Variants in N4BP2 observed in about 807,000 individuals in gnomAD.
N4BP2 encodes the protein NEDD4-binding protein 2.
In N4BP2, 91 loss-of-function variants were observed where a neutral mutation model predicts 152.8. The observed-to-expected ratio is 0.60, with a 90% CI of 0.50 to 0.71. The LOEUF (loss-of-function observed/expected upper bound fraction) is 0.71. Among genes scored for constraint, N4BP2 ranks in the 30% least tolerant of loss-of-function variants. The probability of loss-of-function intolerance (pLI) is 0.00; values close to 1 mark genes in which losing one functional copy is unlikely to be tolerated. For missense variants in N4BP2, 1,923 were observed against 2,059.1 expected (o/e 0.93, Z 1.28); for synonymous variants, 646 against 705.3 (o/e 0.92, Z 1.33).
Position 40,121,782 on chromosome 4 carries a change from C to T in N4BP2, c.3671C>T (p.Ala1224Val). 6.2e-7 allele frequency: 1 copy of T among 1,614,034 alleles called. No homozygotes were observed. ...TCGATGACAAGTATATTTCCCAGTG[C>T]TGCTGTGGGTCTAAAGAATAATAAT... ...HESMTSIFPS[A>V]AVGLKNNNDI... The change falls in exon 9 of 18, where the codon GCT becomes GTT. Residue 1224 changes from alanine to valine, a missense_variant. Transcript: ENST00000261435.
intron 17 of N4BP2, among the ~76,000 whole-genome samples, 176 bp from the exon 18 acceptor site, chr4:40,154,016 C>T (rs895794845): frequency 6.6e-6 from 1 of 151,900 alleles, no homozygotes; most frequent in Non-Finnish European, 1.5e-5. Context: ...TTGTTTTGAC[C>T]GTAGATAAAA....
Position 40,113,306 on chromosome 4 carries a change from T to A in N4BP2, c.1588-126T>A, listed in dbSNP as rs977234838. 5.9e-5 allele frequency: 37 copies of A among 632,032 alleles called. No individual in the cohort carries two copies. In the Middle Eastern group the frequency reaches 1.3e-3, roughly 22 times the overall value. 39.2% of individuals were successfully genotyped at this position (632,032 alleles called of 1,614,324 possible). On this transcript the variant is annotated intron_variant, in intron 6 of 17. Coordinates refer to ENST00000261435, the MANE Select transcript of N4BP2 (RefSeq NM_018177.6). ...GCTGGGTTAAAGTGATTGTATATTT[T>A]GCCATTTTAACACACTCATCAAGAT...
chr4:40,097,044 C>G (rs77202191), intron 2 of N4BP2, among the ~76,000 whole-genome samples, 183 bp from the exon 3 acceptor site: 9,789 of 152,114 alleles, frequency 0.064, 395 homozygotes, highest in Non-Finnish European at 0.085. Context: ...TTGTTAACAT[C>G]TTAATTTTTA....
chr4:40,093,622 T>C (rs35811935), intron 2 of N4BP2, among the ~76,000 whole-genome samples: 26,866 of 151,434 alleles, frequency 0.18, 3,114 homozygotes, highest in Admixed American at 0.26. Context: ...TTTATTTATT[T>C]ATTTACTTTT....
chr4:40,092,009 T>A (rs373009294), intron 2 of N4BP2, among the ~76,000 whole-genome samples: 1,239 of 14,498 alleles, frequency 0.085, 12 homozygotes, highest in Admixed American at 0.1. Flanking sequence ...AAAAAAAAAT[T>A]ATATATATAT....
chr4:40,116,181 C>T (rs1193293584), intron 7 of N4BP2, among the ~76,000 whole-genome samples: 3 of 151,868 alleles, frequency 2.0e-5, no homozygotes, highest in East Asian at 1.9e-4. Flanking sequence ...TTTTTATGTT[C>T]GATGTATCTC....
At chr4:40,090,982 G>A (rs1422564468) in intron 2 of N4BP2, among the ~76,000 whole-genome samples, 7 of 139,088 alleles carry the variant, frequency 5.0e-5, no homozygotes, top group Admixed American at 1.5e-4. Context: ...AGGTTAATAA[G>A]TGAGGACTTA....
chr4:40,164,259 GGA>G, the N4BP2 span, among the ~76,000 whole-genome samples: 7 of 152,224 alleles, frequency 4.6e-5, no homozygotes, highest in East Asian at 1.4e-3. Context: ...AGTTTGAGGG[GGA>G]GGGAAAGTGG....
intron 2 of N4BP2, among the ~76,000 whole-genome samples, chr4:40,085,038 G>A (rs577127780): frequency 1.3e-5 from 2 of 150,120 alleles, no homozygotes; most frequent in Admixed American, 6.7e-5. Context: ...TCAGCCTCCC[G>A]AGTAGCTGGG....
chr4:40,169,269 C>A, the N4BP2 span, among the ~76,000 whole-genome samples: 1 of 151,496 alleles, frequency 6.6e-6, no homozygotes, highest in African/African-American at 2.4e-5. Context: ...ATAATCCCAG[C>A]TACTTGGGTG....
the N4BP2 span, among the ~76,000 whole-genome samples, chr4:40,178,342 T>C: frequency 1.3e-5 from 2 of 151,828 alleles, no homozygotes; most frequent in South Asian, 4.1e-4. Context: ...AGTTAGCAAG[T>C]AAAATCAAAA....
intron 12 of N4BP2, among the ~76,000 whole-genome samples, chr4:40,128,835 T>TA (rs201364379): frequency 0.014 from 1,997 of 144,758 alleles, 45 homozygotes; most frequent in South Asian, 0.11. Context: ...GGATTTTCTT[T>TA]AAAAAAAAAA....
At chr4:40,139,344 G>A (rs963293496) in intron 14 of N4BP2, among the ~76,000 whole-genome samples, 11 of 152,006 alleles carry the variant, frequency 7.2e-5, no homozygotes, top group Admixed American at 6.5e-5. Context: ...CAGTCCTCCC[G>A]CCTCAGCCTT....
intron 16 of N4BP2, among the ~76,000 whole-genome samples, chr4:40,150,677 A>G (rs73229759): frequency 4.7e-3 from 35 of 7,446 alleles, no homozygotes; most frequent in South Asian, 0.071. Context: ...TCTCAGGGGG[A>G]AAAAAAAAAA....
At chr4:40,071,635 C>T (rs924796199) in intron 1 of N4BP2, among the ~76,000 whole-genome samples, 5 of 152,050 alleles carry the variant, frequency 3.3e-5, no homozygotes, top group East Asian at 1.9e-4. Flanking sequence ...GGTGCGATCT[C>T]GGCTCACTGC....
At chr4:40,172,913 C>A in the N4BP2 span, among the ~76,000 whole-genome samples, 3 of 152,176 alleles carry the variant, frequency 2.0e-5, no homozygotes, top group Non-Finnish European at 4.4e-5. Context: ...GGAATGGTTA[C>A]ATTGAATCTA....
In N4BP2 at chr4:40,102,070, T is replaced by A; in HGVS notation, c.230-5T>A. 6.5e-7 allele frequency: 1 copy of A among 1,530,712 alleles called. No homozygotes were observed. The highest frequency in any genetic ancestry group is 8.8e-7 in the Non-Finnish European group (1 of 1,130,692). 94.8% of individuals were successfully genotyped at this position (1,530,712 alleles called of 1,614,324 possible). ...GTTGTTGTTATTATTCTTGTTGTTG[T>A]ACAGTTGAAAATGCTATGGATTGTC... On this transcript the variant is annotated splice_region_variant and splice_polypyrimidine_tract_variant and intron_variant, in intron 3 of 17. Coordinates refer to ENST00000261435, the MANE Select transcript of N4BP2 (RefSeq NM_018177.6).
At chr4:40,128,850 T>A (rs1188134399) in intron 12 of N4BP2, among the ~76,000 whole-genome samples, 1 of 151,704 alleles carries the variant, frequency 6.6e-6, no homozygotes, top group Non-Finnish European at 1.5e-5. Flanking sequence ...AAAAAATAAA[T>A]AAATAAAATA....
chr4:40,178,194 A>G, the N4BP2 span, among the ~76,000 whole-genome samples: 1 of 152,124 alleles, frequency 6.6e-6, no homozygotes, highest in Non-Finnish European at 1.5e-5. Flanking sequence ...ACAAAACAAA[A>G]CAAAACAGGA....
Sources: allele counts gnomAD v4.1 joint callset (sites outside exome capture counted in the v4.1 genomes callset), GRCh38; gene constraint gnomAD v4.1.1; transcripts MANE v1.5; gene names NCBI Gene and HGNC (gene_info 2026-07-23, HGNC 2026-07-21).